The following TSGA10 variants were observed in gnomAD, a reference collection of about 807,000 sequenced individuals.
TSGA10 encodes testis-specific gene 10 protein.
TSGA10 carries 43 observed loss-of-function variants against 96.6 expected under a neutral mutation model. That is an observed-to-expected ratio of 0.44 (90% confidence interval 0.35 to 0.57). TSGA10 has a LOEUF of 0.57. Ranked by LOEUF, TSGA10 falls within the 20% of genes least tolerant of loss-of-function variation. The pLI is 0.01. For missense variants in TSGA10, 703 were observed against 834.4 expected (o/e 0.84, Z 1.94); for synonymous variants, 229 against 269.9 (o/e 0.85, Z 1.48).
chr2:99,144,083 C>T (rs1281506979), intron 1 of TSGA10, among the ~76,000 whole-genome samples: 1 of 152,016 alleles, frequency 6.6e-6, no homozygotes, highest in Non-Finnish European at 1.5e-5. Context: ...TGCAGTGGCG[C>T]GATCTCCGCT....
At chr2:99,150,822 A>G in intron 1 of TSGA10, 1 of 1,585,282 alleles carries the variant, frequency 6.3e-7, no homozygotes, top group Non-Finnish European at 8.5e-7. Context: ...TAGAAATGAC[A>G]GATGTGGAAT....
chr2:99,080,324 T>C (rs2087289600), intron 11 of TSGA10, among the ~76,000 whole-genome samples: 1 of 152,182 alleles, frequency 6.6e-6, no homozygotes, highest in African/African-American at 2.4e-5. Flanking sequence ...TCCTCCCCTT[T>C]TAAAAACACT....
At chr2:99,128,332 T>G (rs549780476) in intron 1 of TSGA10, among the ~76,000 whole-genome samples, 1 of 152,328 alleles carries the variant, frequency 6.6e-6, no homozygotes, top group East Asian at 1.9e-4. Flanking sequence ...ATATTTCAAA[T>G]TATGAAGCAT....
chr2:99,018,662 T>C, intron 18 of TSGA10, 22 bp from the exon 19 acceptor site: 1 of 1,587,070 alleles, frequency 6.3e-7, no homozygotes, highest in Non-Finnish European at 8.6e-7. Flanking sequence ...AAGATAAGAG[T>C]TATAGTTGAC....
chr2:99,077,950 A>G (rs17020569), intron 12 of TSGA10, among the ~76,000 whole-genome samples: 8,221 of 151,976 alleles, frequency 0.054, 417 homozygotes, highest in East Asian at 0.21. Context: ...TATATGATCT[A>G]TTCTCAAAGC....
chr2:99,122,892 C>T lies in TSGA10; in HGVS notation c.-492+4156G>A, dbSNP rs574344229. ...ACTGCTCCAAGATTACTTCTTTTAT[C>T]ACTTCCTTTCTGGTTAGAGAAATAC... On this transcript the variant is annotated intron_variant, in intron 2 of 20. Transcript: ENST00000393483. Among the ~76,000 whole-genome samples, 5 of 152,034 alleles carry T rather than the reference C, an allele frequency of 3.3e-5. No individual in the cohort carries two copies. The East Asian group carries it at 9.6e-4, about 29-fold the overall frequency.
In TSGA10 at chr2:99,058,833, C is replaced by T. The variant is rs186412938; in HGVS notation, c.1404+6106G>A. ...TGGGTGAATTATGAGGTCAGGAGTTCGAGACCAGCCTGACCAACATGGTGA... is the reference window on the plus strand; with the variant it reads ...TGGGTGAATTATGAGGTCAGGAGTTTGAGACCAGCCTGACCAACATGGTGA... On this transcript the variant is annotated intron_variant, in intron 16 of 20. Transcript: ENST00000393483. 2.6e-3 allele frequency among the ~76,000 whole-genome samples: 387 copies of T among 151,492 alleles called. 2 individuals are homozygous for T. The highest frequency in any genetic ancestry group is 8.6e-3 in the African/African-American group (354 of 41,336).
rs1348852397 is a variant in TSGA10 at position 99,144,683 on chromosome 2, CATGAGG to C, written c.-621+10004_-621+10009del. Reference sequence around the variant, plus strand: ...AAAAAAAAAAAAAAGATGCTGAAAGCATGAGGATAAGTCTGGTCTCTGTTACTCCAT... The same window carrying C: ...AAAAAAAAAAAAAAGATGCTGAAAGCATAAGTCTGGTCTCTGTTACTCCAT... On this transcript the variant is annotated intron_variant, in intron 1 of 20. Coordinates refer to ENST00000393483, the MANE Select transcript of TSGA10 (RefSeq NM_025244.4). Among the ~76,000 whole-genome samples, 2 of 128,922 alleles carry C rather than the reference CATGAGG, an allele frequency of 1.6e-5. 1 individual carries two copies. The highest frequency in any genetic ancestry group is 5.7e-4 in the East Asian group (2 of 3,510). 84.6% of individuals were successfully genotyped at this position (128,922 alleles called of 152,430 possible).
At chr2:99,063,625 A>G (rs749357679) in intron 16 of TSGA10, among the ~76,000 whole-genome samples, 2 of 151,956 alleles carry the variant, frequency 1.3e-5, no homozygotes, top group Non-Finnish European at 2.9e-5. Flanking sequence ...CAACATGGTG[A>G]AACCCCATCT....
At chr2:99,072,994 A>G in intron 13 of TSGA10, 24 bp downstream of exon 13, 1 of 1,579,316 alleles carries the variant, frequency 6.3e-7, no homozygotes, top group South Asian at 1.1e-5. Flanking sequence ...AAGAGCTCAT[A>G]TATTTGTTGC....
chr2:99,099,244 G>A (rs1229304434), intron 10 of TSGA10, among the ~76,000 whole-genome samples: 3 of 152,284 alleles, frequency 2.0e-5, no homozygotes, highest in Admixed American at 6.5e-5. Flanking sequence ...CCTGGGAGGC[G>A]GAGGTTGCGG....
At chr2:99,101,056 G>T (rs2090654972) in intron 10 of TSGA10, among the ~76,000 whole-genome samples, 1 of 150,188 alleles carries the variant, frequency 6.7e-6, no homozygotes, top group South Asian at 2.1e-4. Context: ...GAGGTCAGGA[G>T]ATTGAGACCA....
intron 16 of TSGA10, among the ~76,000 whole-genome samples, chr2:99,063,646 C>CAA (rs541060558): frequency 2.0e-5 from 3 of 146,482 alleles, no homozygotes; most frequent in Non-Finnish European, 4.5e-5. Context: ...CTACTAAATA[C>CAA]AAAAAAAAAA....
chr2:99,085,650 G>A (rs2088228464), intron 10 of TSGA10, among the ~76,000 whole-genome samples: 1 of 129,712 alleles, frequency 7.7e-6, no homozygotes, highest in African/African-American at 3.0e-5. Context: ...TTTTTTGGAG[G>A]TTCTAGAAAA....
Position 99,118,577 on chromosome 2 carries a change from C to G in TSGA10, c.-382G>C. 1.0e-6 allele frequency: 1 copy of G among 983,166 alleles called. No individual in the cohort carries two copies. The highest frequency in any genetic ancestry group is 1.2e-6 in the Non-Finnish European group (1 of 828,912). The allele number at this position is 983,166 out of a possible 1,614,324, so 60.9% of individuals were successfully genotyped here. A position where few individuals can be genotyped will look rare whatever the true frequency, so the allele number is the denominator to read the frequency against. On this transcript the variant is annotated 5_prime_UTR_variant, in exon 3 of 21. Transcript: ENST00000393483. ...TGACTAAGCTAAATATCAAATCAAT[C>G]AAGTATTTGCTGCCTAATGTGGAGG...
intron 10 of TSGA10, among the ~76,000 whole-genome samples, chr2:99,098,193 T>C (rs1013724164): frequency 1.3e-5 from 2 of 151,738 alleles, no homozygotes; most frequent in East Asian, 3.9e-4. Flanking sequence ...ATCCCAGGAC[T>C]TTGGGAGGCT....
intron 20 of TSGA10, among the ~76,000 whole-genome samples, chr2:99,006,911 A>G (rs2078534804): frequency 1.3e-5 from 2 of 152,344 alleles, no homozygotes; most frequent in East Asian, 1.9e-4. Flanking sequence ...TCCATCAATG[A>G]TAGACTGGAT....
chr2:99,017,917 C>CGGTGTAACAAAATTTG (rs2079665671), intron 20 of TSGA10, among the ~76,000 whole-genome samples: 2 of 151,828 alleles, frequency 1.3e-5, no homozygotes, highest in Admixed American at 1.3e-4. Flanking sequence ...TGCTAAGGAA[C>CGGTGTAACAAAATTTG]TTATCGGTGT....
chr2:99,058,702 G>A (rs2084282420), intron 16 of TSGA10, among the ~76,000 whole-genome samples: 1 of 151,960 alleles, frequency 6.6e-6, no homozygotes, highest in Non-Finnish European at 1.5e-5. Flanking sequence ...GATGAAATAG[G>A]CAAATCCTAG....
Sources: gnomAD v4.1 joint callset for allele counts (sites outside exome capture counted in the v4.1 genomes callset) on GRCh38, gnomAD v4.1.1 for gene constraint, MANE v1.5 for transcripts, NCBI Gene and HGNC (gene_info 2026-07-23, HGNC 2026-07-21) for gene names.